ZFPM1: variants seen among roughly 807,000 people sequenced by gnomAD.
The protein encoded by ZFPM1 is zinc finger protein ZFPM1.
Under a neutral mutation model 46.3 loss-of-function variants are expected in ZFPM1, and 28 were observed. The observed-to-expected ratio is 0.60, with a 90% CI of 0.45 to 0.83. The LOEUF is 0.83. Ranked by LOEUF, ZFPM1 falls within the 40% of genes least tolerant of loss-of-function variation. The probability of loss-of-function intolerance (pLI) is 0.00; values close to 1 mark genes in which losing one functional copy is unlikely to be tolerated. For missense variants in ZFPM1, 1,878 were observed against 1,432.4 expected (o/e 1.31, Z -5.02); for synonymous variants, 957 against 675.9 (o/e 1.42, Z -6.45).
At chr16:88,498,567 C>A (rs1367742705) in intron 3 of ZFPM1, among the ~76,000 whole-genome samples, 1 of 152,172 alleles carries the variant, frequency 6.6e-6, no homozygotes, top group African/African-American at 2.4e-5. Context: ...CAAATCATGA[C>A]GAGGTAGGAA....
At chr16:88,461,068 A>AGGGGT (rs1385632289) in intron 1 of ZFPM1, among the ~76,000 whole-genome samples, 2 of 96,058 alleles carry the variant, frequency 2.1e-5, no homozygotes, top group Non-Finnish European at 2.0e-5. Context: ...GTGAGGACCC[A>AGGGGT]GGGGCAGAAG....
At chr16:88,482,236 T>G (rs980861727) in intron 1 of ZFPM1, among the ~76,000 whole-genome samples, 1 of 151,710 alleles carries the variant, frequency 6.6e-6, no homozygotes, top group Non-Finnish European at 1.5e-5. Flanking sequence ...GCCCAAGTGC[T>G]CTGTCGCCCA....
At chr16:88,515,197 C>T (rs1235914150) in intron 4 of ZFPM1, among the ~76,000 whole-genome samples, 2 of 152,236 alleles carry the variant, frequency 1.3e-5, no homozygotes, top group African/African-American at 4.8e-5. Flanking sequence ...CCTGTAAGTA[C>T]GTGTGGGGCT....
chr16:88,496,261 AGCGGCGGG>A (rs1247468260), intron 3 of ZFPM1, among the ~76,000 whole-genome samples: 2 of 152,226 alleles, frequency 1.3e-5, no homozygotes, highest in Non-Finnish European at 2.9e-5. Flanking sequence ...AGGATGTGAC[AGCGGCGGG>A]GCTGGCTTTA....
intron 3 of ZFPM1, among the ~76,000 whole-genome samples, chr16:88,508,508 G>A (rs534443860): frequency 8.3e-4 from 127 of 152,308 alleles, no homozygotes; most frequent in Non-Finnish European, 1.6e-3. Flanking sequence ...TGGGCTCCAC[G>A]TGGGTTCCCC....
chr16:88,461,066 C>CAAGGGG (rs1567525612), intron 1 of ZFPM1, among the ~76,000 whole-genome samples: 3 of 101,100 alleles, frequency 3.0e-5, no homozygotes, highest in African/African-American at 1.4e-4. Flanking sequence ...TGGTGAGGAC[C>CAAGGGG]CAGGGGCAGA....
In ZFPM1 at chr16:88,453,483, G is replaced by T. The variant is rs1486679900; in HGVS notation, c.-156G>T. On this transcript the variant is annotated 5_prime_UTR_variant, in exon 1 of 10. Transcript: ENST00000319555. ...TCCGCGGCAGCTCCAGCGGCTCCGGGGCTGGGCGCGCGGGCTGGGGGCGCG... is the reference window on the plus strand; with the variant it reads ...TCCGCGGCAGCTCCAGCGGCTCCGGTGCTGGGCGCGCGGGCTGGGGGCGCG... 3.3e-5 allele frequency: 7 copies of T among 209,186 alleles called. No individual in the cohort carries two copies. The Admixed American group carries it at 4.8e-4, about 14-fold the overall frequency. The allele number at this position is 209,186 out of a possible 1,614,324, so 13.0% of individuals were successfully genotyped here.
chr16:88,534,332 G>A lies in ZFPM1; in HGVS notation c.2374G>A (p.Asp792Asn), dbSNP rs1306360154. The change falls in exon 10 of 10, where the codon GAC (aspartate) becomes AAC (asparagine). Residue 792 changes from aspartate to asparagine, a missense_variant. Transcript: ENST00000319555. ...APARSPGPAA[D>N]GPIDLSKKPR... is the part of the protein sequence containing the mutation. ...TGCGCGCTCGCCCGGCCCCGCGGCC[G>A]ACGGCCCCATCGACCTGAGCAAGAA... The A allele has an allele frequency of 5.1e-6, 7 of 1,359,774 alleles. No homozygotes were observed. Among genetic ancestry groups the A allele is most frequent in the Non-Finnish European group, 6.6e-6 (7 of 1,057,416 alleles). The allele number at this position is 1,359,774 out of a possible 1,614,324, so 84.2% of individuals were successfully genotyped here.
rs1397269356 is a variant in ZFPM1 at position 88,453,584 on chromosome 16, C to T, written c.-55C>T. On this transcript the variant is annotated 5_prime_UTR_variant, in exon 1 of 10. Transcript: ENST00000319555. ...GCCCCGCCGCGCCCCCGCCGCCCGC[C>T]GCCGCCCGCCCGGGGCTAGAGGCGG... 2 of 972,084 alleles carry T rather than the reference C, an allele frequency of 2.1e-6. No individual in the cohort carries two copies. Among genetic ancestry groups the T allele is most frequent in the Non-Finnish European group, 2.4e-6 (2 of 818,808 alleles). The allele number at this position is 972,084 out of a possible 1,614,324, so 60.2% of individuals were successfully genotyped here.
chr16:88,519,035 TGGGTGG>T (rs1911576846), intron 4 of ZFPM1, among the ~76,000 whole-genome samples: 1 of 138,880 alleles, frequency 7.2e-6, no homozygotes, highest in Admixed American at 7.5e-5. Flanking sequence ...GGTGGATGGA[TGGGTGG>T]ATGGATAGAT....
Position 88,531,972 on chromosome 16 carries a change from G to C in ZFPM1, c.713-30G>C, listed in dbSNP as rs1056830351. On this transcript the variant is annotated intron_variant, in intron 6 of 9. Transcript: ENST00000319555. ...GCCCTGGCTGGCAGGCTGGCCTTCA[G>C]CCTGACCCCGCCTGCTTCCCACCCC... 4 of 1,565,368 alleles carry C rather than the reference G, an allele frequency of 2.6e-6. No individual in the cohort carries two copies. The African/African-American group carries it at 4.1e-5, about 16-fold the overall frequency.
intron 3 of ZFPM1, among the ~76,000 whole-genome samples, chr16:88,498,401 C>G (rs138064116): frequency 1.3e-5 from 2 of 152,116 alleles, no homozygotes; most frequent in Non-Finnish European, 2.9e-5. Context: ...TGGAGGGACA[C>G]GGGCCCTGGA....
At position 88,534,463 on chromosome 16, in the gene ZFPM1, CAAG is replaced by C. The variant is rs777639643; in HGVS notation, c.2509_2511del (p.Lys837del). 6.7e-7 allele frequency: 1 copy of C among 1,494,876 alleles called. No individual in the cohort carries two copies. Among genetic ancestry groups the C allele is most frequent in the Non-Finnish European group, 8.9e-7 (1 of 1,129,104 alleles). 92.6% of individuals were successfully genotyped at this position (1,494,876 alleles called of 1,614,324 possible). ...ACAGCCTCGAGGCCTACCTGGCGCA[CAAG>C]AAGTACTCGTGCCCCGCTGCGCCAC... On this transcript the variant is annotated inframe_deletion, in exon 10 of 10. Transcript: ENST00000319555.
Position 88,480,249 on chromosome 16 carries a change from G to T in ZFPM1, c.41-5690G>T, listed in dbSNP as rs1294246701. 1.3e-5 allele frequency among the ~76,000 whole-genome samples: 2 copies of T among 152,102 alleles called. No individual in the cohort carries two copies. The highest frequency in any genetic ancestry group is 4.8e-5 in the African/African-American group (2 of 41,418). On this transcript the variant is annotated intron_variant, in intron 1 of 9. Coordinates refer to ENST00000319555, the MANE Select transcript of ZFPM1 (RefSeq NM_153813.3). The surrounding 1 kb of genome is among the most constrained non-coding windows in gnomAD (Gnocchi z 4.9). The stretch of plus-strand genomic sequence containing the variant: ...TGGATGGCACCTCTGACTCTTTCCT[G>T]TGGTGCTCACACTGGCATCTTCCAC...
In ZFPM1 at chr16:88,534,293, C is replaced by T. The variant is rs1400806138; in HGVS notation, c.2335C>T (p.Pro779Ser). The change falls in exon 10 of 10, where the codon CCC becomes TCC. Residue 779 changes from proline to serine, a missense_variant. Physicochemically the swap from Pro to Ser is moderately conservative, Grantham distance 74. Coordinates refer to ENST00000319555, the MANE Select transcript of ZFPM1 (RefSeq NM_153813.3). ...PRPGSGSGSG[P>S]GLAPARSPGP... ...GCCCGGAAGCGGAAGCGGAAGCGGC[C>T]CCGGCCTCGCCCCTGCGCGCTCGCC... 1.6e-6 allele frequency: 2 copies of T among 1,218,608 alleles called. No individual in the cohort carries two copies. Among genetic ancestry groups the T allele is most frequent in the South Asian group, 2.9e-5 (1 of 34,864 alleles). The allele number at this position is 1,218,608 out of a possible 1,614,324, so 75.5% of individuals were successfully genotyped here.
Position 88,497,113 on chromosome 16 carries a change from C to T in ZFPM1, c.268+7960C>T, listed in dbSNP as rs1023631289. Among the ~76,000 whole-genome samples the T allele has an allele frequency of 6.6e-6, 1 of 152,222 alleles. No homozygotes were observed. The highest frequency in any genetic ancestry group is 2.4e-5 in the African/African-American group (1 of 41,454). ...GTGAATTCCAGCTGATCACACAAGT[C>T]GTGACTTTTCCATCCCCACTCCATC... On this transcript the variant is annotated intron_variant, in intron 3 of 9. Coordinates refer to ENST00000319555, the MANE Select transcript of ZFPM1 (RefSeq NM_153813.3). The surrounding 1 kb of genome is among the most constrained non-coding windows in gnomAD (Gnocchi z 5.4).
chr16:88,524,404 G>T (rs143116811), intron 4 of ZFPM1, among the ~76,000 whole-genome samples: 4 of 152,210 alleles, frequency 2.6e-5, no homozygotes, highest in Admixed American at 1.3e-4. Context: ...CACAGCTGGC[G>T]TGCAGTTCCT....
At position 88,532,602 on chromosome 16, in the gene ZFPM1, CCT is replaced by C; in HGVS notation, c.947-11_947-10del. ...TGGCCCGGGCACCGCTCTTACGCGCCCTGTGTTCCAGGAGAGCGGCCCTTCGT... is the reference window on the plus strand; with the variant it reads ...TGGCCCGGGCACCGCTCTTACGCGCCGTGTTCCAGGAGAGCGGCCCTTCGT... On this transcript the variant is annotated splice_polypyrimidine_tract_variant and intron_variant, in intron 7 of 9. Coordinates refer to ENST00000319555, the MANE Select transcript of ZFPM1 (RefSeq NM_153813.3). 6.4e-7 allele frequency: 1 copy of C among 1,557,670 alleles called. No homozygotes were observed. The highest frequency in any genetic ancestry group is 8.7e-7 in the Non-Finnish European group (1 of 1,150,526).
intron 3 of ZFPM1, among the ~76,000 whole-genome samples, chr16:88,500,673 T>C (rs1456654674): frequency 1.3e-5 from 2 of 152,176 alleles, no homozygotes; most frequent in Admixed American, 1.3e-4. Context: ...CTTCCAGGTG[T>C]CACCTCTCTC....
Sources: allele counts gnomAD v4.1 joint callset (sites outside exome capture counted in the v4.1 genomes callset), GRCh38; gene constraint gnomAD v4.1.1; non-coding constraint Gnocchi (gnomAD v3.1); transcripts MANE v1.5; gene names NCBI Gene and HGNC (gene_info 2026-07-23, HGNC 2026-07-21).